ZC3HAV1: variants seen among roughly 807,000 people sequenced by gnomAD.
ZC3HAV1 encodes zinc finger CCCH-type containing, antiviral 1.
ZC3HAV1 carries 41 observed loss-of-function variants against 86.6 expected under a neutral mutation model. That is an observed-to-expected ratio of 0.47 (90% CI 0.37 to 0.61). ZC3HAV1 has a LOEUF of 0.61. Ranked by LOEUF, ZC3HAV1 falls within the 20% of genes least tolerant of loss-of-function variation. The pLI, the probability that ZC3HAV1 is intolerant of heterozygous loss-of-function variation, is 0.00. For missense variants in ZC3HAV1, 964 were observed against 1,141.1 expected (o/e 0.84, Z 2.24); for synonymous variants, 421 against 432.1 (o/e 0.97, Z 0.32).
At chr7:139,095,617 G>C (rs996348456) in intron 1 of ZC3HAV1, among the ~76,000 whole-genome samples, 6 of 152,216 alleles carry the variant, frequency 3.9e-5, no homozygotes, top group African/African-American at 1.4e-4. Flanking sequence ...GGCTGGGCCC[G>C]CTGAGGATAG....
intron 5 of ZC3HAV1, among the ~76,000 whole-genome samples, chr7:139,078,099 C>G (rs1030821251): frequency 2.0e-5 from 3 of 152,126 alleles, no homozygotes; most frequent in African/African-American, 7.2e-5. Context: ...ATTAGCCGGA[C>G]GGGGTGGCAC....
intron 1 of ZC3HAV1, among the ~76,000 whole-genome samples, chr7:139,090,637 C>G: frequency 6.6e-6 from 1 of 152,174 alleles, no homozygotes; most frequent in South Asian, 2.1e-4. Context: ...TGAATATTAT[C>G]GGTTGCACTA....
chr7:139,058,456 C>CA (rs1816353193), intron 9 of ZC3HAV1, among the ~76,000 whole-genome samples: 5 of 65,302 alleles, frequency 7.7e-5, no homozygotes, highest in East Asian at 6.4e-4. Flanking sequence ...CCCCCCCCCA[C>CA]AAAAAAACAC....
intron 12 of ZC3HAV1, among the ~76,000 whole-genome samples, chr7:139,048,434 C>T (rs530415003): frequency 1.4e-4 from 22 of 151,758 alleles, no homozygotes; most frequent in African/African-American, 5.3e-4. Context: ...GGGGAGACTC[C>T]ATCTCTACAA....
intron 3 of ZC3HAV1, among the ~76,000 whole-genome samples, chr7:139,080,909 A>G (rs1449151541): frequency 6.6e-6 from 1 of 152,218 alleles, no homozygotes; most frequent in Non-Finnish European, 1.5e-5. Context: ...AGAAACCAAC[A>G]GAAAATGAAA....
At chr7:139,075,347 G>A (rs901510798) in intron 6 of ZC3HAV1, among the ~76,000 whole-genome samples, 1 of 152,088 alleles carries the variant, frequency 6.6e-6, no homozygotes, top group Non-Finnish European at 1.5e-5. Context: ...TTATAAAACT[G>A]GGATGTTTCT....
At chr7:139,106,227 A>G (rs1214243014) in intron 1 of ZC3HAV1, among the ~76,000 whole-genome samples, 1 of 152,226 alleles carries the variant, frequency 6.6e-6, no homozygotes, top group African/African-American at 2.4e-5. Flanking sequence ...AAAATATACC[A>G]TAATAAACTT....
chr7:139,101,794 A>C (rs1817781245), intron 1 of ZC3HAV1, among the ~76,000 whole-genome samples: 1 of 151,948 alleles, frequency 6.6e-6, no homozygotes, highest in African/African-American at 2.4e-5. Flanking sequence ...TTTGTTAAAC[A>C]GATGCTTGAA....
chr7:139,091,218 G>C (rs1307540800), intron 1 of ZC3HAV1, among the ~76,000 whole-genome samples: 1 of 152,190 alleles, frequency 6.6e-6, no homozygotes, highest in East Asian at 1.9e-4. Flanking sequence ...CCCTCCAGCA[G>C]GCCAGGCGCG....
At chr7:139,101,622 G>A (rs1817775437) in intron 1 of ZC3HAV1, among the ~76,000 whole-genome samples, 1 of 149,040 alleles carries the variant, frequency 6.7e-6, no homozygotes, top group Admixed American at 6.8e-5. Flanking sequence ...CTGTGTCTGT[G>A]TAGAAAGTAG....
chr7:139,052,471 G>A (rs1215779854), intron 12 of ZC3HAV1, among the ~76,000 whole-genome samples: 2 of 151,070 alleles, frequency 1.3e-5, no homozygotes, highest in African/African-American at 4.9e-5. Context: ...TGGGCGTGGT[G>A]GCACATGCCT....
At position 139,109,472 on chromosome 7, in the gene ZC3HAV1, C is replaced by T. The variant is rs1274782690; in HGVS notation, c.-141G>A. 1 of 1,077,398 alleles carries T rather than the reference C, an allele frequency of 9.3e-7. No individual in the cohort carries two copies. Among genetic ancestry groups the T allele is most frequent in the Non-Finnish European group, 1.3e-6 (1 of 778,704 alleles). The allele number at this position is 1,077,398 out of a possible 1,614,324, so 66.7% of individuals were successfully genotyped here. A position where few individuals can be genotyped will look rare whatever the true frequency, so the allele number is the denominator to read the frequency against. ...CCGGAGTCAGCGAGGGCGCGCTCTC[C>T]GTCGCCGTTAGCCCAGCCCAGCGAT... On this transcript the variant is annotated 5_prime_UTR_variant, in exon 1 of 13. Coordinates refer to ENST00000242351, the MANE Select transcript of ZC3HAV1 (RefSeq NM_020119.4).
intron 9 of ZC3HAV1, among the ~76,000 whole-genome samples, chr7:139,057,593 C>T (rs1816323935): frequency 5.3e-5 from 1 of 19,044 alleles, no homozygotes; most frequent in South Asian, 1.4e-3. Context: ...GGCTGGAGTG[C>T]AGTGGCGCGA....
chr7:139,078,971 AC>A, intron 4 of ZC3HAV1: 2 of 1,284,066 alleles, frequency 1.6e-6, no homozygotes, highest in East Asian at 2.5e-5. Context: ...TCCTCACCAG[AC>A]CACCCCATAA....
intron 9 of ZC3HAV1, among the ~76,000 whole-genome samples, chr7:139,059,911 G>A (rs1442504628): frequency 6.6e-6 from 1 of 152,156 alleles, no homozygotes; most frequent in East Asian, 1.9e-4. Flanking sequence ...CCGTGAGGAA[G>A]GTATTATTAT....
In ZC3HAV1 at chr7:139,046,775, C is replaced by T. The variant is rs1815966378; in HGVS notation, c.*819G>A. ...TAGCATGTCCTTAAGCATTTTCTCC[C>T]CAGCTTTTCACAATCTTTCTTCTAA... On this transcript the variant is annotated 3_prime_UTR_variant, in exon 13 of 13. Coordinates refer to ENST00000242351, the MANE Select transcript of ZC3HAV1 (RefSeq NM_020119.4). 1 of 152,252 alleles carries T rather than the reference C, an allele frequency of 6.6e-6. No individual in the cohort carries two copies. Among genetic ancestry groups the T allele is most frequent in the Admixed American group, 6.5e-5 (1 of 15,278 alleles). The allele number at this position is 152,252 out of a possible 1,614,324, so 9.4% of individuals were successfully genotyped here.
chr7:139,079,836 G>T lies in ZC3HAV1; in HGVS notation c.1105C>A (p.Gln369Lys). 6.2e-7 allele frequency: 1 copy of T among 1,614,120 alleles called. No homozygotes were observed. Among genetic ancestry groups the T allele is most frequent in the Non-Finnish European group, 8.5e-7 (1 of 1,180,026 alleles). ...AACACAGTCTTTCTCCTGGCGCCTT[G>T]GTCATTCGTCCAGGATGTGAGGCTC... is the stretch of plus-strand genomic sequence containing the variant. ...WKSLTSWTND[Q>K]GARRKTVFSP... is the part of the protein sequence containing the mutation. Residue 369 changes from glutamine (Q) to lysine (K), a missense_variant, in exon 4 of 13, where the codon CAA becomes AAA. Gln to Lys is a moderately conservative substitution (Grantham distance 53, BLOSUM62 1). Transcript: ENST00000242351.
chr7:139,078,294 G>A (rs1475320291), intron 5 of ZC3HAV1, among the ~76,000 whole-genome samples: 1 of 152,138 alleles, frequency 6.6e-6, no homozygotes, highest in Non-Finnish European at 1.5e-5. Context: ...AAGTGTTGGT[G>A]AGGATGTGGA....
rs79442784 is a variant in ZC3HAV1, at chr7:139,075,385, C to T, written c.1697+901G>A. 4.1e-3 allele frequency among the ~76,000 whole-genome samples: 631 copies of T among 152,226 alleles called. 2 individuals are homozygous for T. Among genetic ancestry groups the T allele is most frequent in the Middle Eastern group, 6.8e-3 (2 of 294 alleles). On this transcript the variant is annotated intron_variant, in intron 6 of 12. Transcript: ENST00000242351. ...TATCCCTGCACACCATAGATAAATA[C>T]GGTCATATGGGTATCACCCATTTCA...
Sources: gnomAD v4.1 joint callset for allele counts (sites outside exome capture counted in the v4.1 genomes callset) on GRCh38, gnomAD v4.1.1 for gene constraint, MANE v1.5 for transcripts, NCBI Gene and HGNC (gene_info 2026-07-23, HGNC 2026-07-21) for gene names.